Variants in NRXN1 observed in about 807,000 individuals in gnomAD.
NRXN1 encodes neurexin-1.
Under a neutral mutation model 150.9 loss-of-function variants are expected in NRXN1, and 39 were observed. That is an observed-to-expected ratio of 0.26 (90% CI 0.20 to 0.34). The LOEUF is 0.34. Among genes scored for constraint, NRXN1 ranks in the 10% least tolerant of loss-of-function variants. The probability of loss-of-function intolerance (pLI) is 1.00; values close to 1 mark genes in which losing one functional copy is unlikely to be tolerated. For missense variants in NRXN1, 1,815 were observed against 1,949.9 expected (o/e 0.93, Z 1.30); for synonymous variants, 924 against 757.0 (o/e 1.22, Z -3.62).
intron 5 of NRXN1, among the ~76,000 whole-genome samples, chr2:50,782,887 G>C (rs1704546833): frequency 6.6e-6 from 1 of 152,164 alleles, no homozygotes; most frequent in South Asian, 2.1e-4. Flanking sequence ...TGGCTCTATT[G>C]CAAAGGCAAA....
At chr2:50,445,946 ATTTC>A (rs922367371) in intron 17 of NRXN1, among the ~76,000 whole-genome samples, 1 of 152,084 alleles carries the variant, frequency 6.6e-6, no homozygotes, top group Non-Finnish European at 1.5e-5. Flanking sequence ...GACATTCTCA[ATTTC>A]TTTATCTTTT....
chr2:50,194,214 T>A (rs2061616881), intron 18 of NRXN1, among the ~76,000 whole-genome samples: 1 of 152,124 alleles, frequency 6.6e-6, no homozygotes, highest in Admixed American at 6.6e-5. Flanking sequence ...GAATTTTGTG[T>A]CCCCAATGCT....
chr2:50,714,452 C>A (rs913516968), intron 5 of NRXN1, among the ~76,000 whole-genome samples: 1 of 152,050 alleles, frequency 6.6e-6, no homozygotes, highest in African/African-American at 2.4e-5. Flanking sequence ...AGGGTCACAG[C>A]CATTTTTCTG....
rs547825339 is a variant in NRXN1, at chr2:50,444,590, C to T, written c.3364+20852G>A. On this transcript the variant is annotated intron_variant, in intron 17 of 22. Coordinates refer to ENST00000401669, the MANE Select transcript of NRXN1 (RefSeq NM_001330078.2). ...TTTTTAAAGTAGGTATTGGCCAGGA[C>T]TAGTTTGAGGCACTGGCTCAGGGGC... Among the ~76,000 whole-genome samples the T allele has an allele frequency of 1.7e-3, 255 of 152,130 alleles. 2 individuals are homozygous for T. Among genetic ancestry groups the T allele is most frequent in the African/African-American group, 5.3e-3 (218 of 41,514 alleles).
intron 22 of NRXN1, among the ~76,000 whole-genome samples, chr2:49,932,658 T>G (rs1490046561): frequency 1.3e-5 from 2 of 152,192 alleles, no homozygotes; most frequent in Non-Finnish European, 2.9e-5. Context: ...TTCCATATAT[T>G]TTAACATTAC....
At chr2:50,666,711 G>C (rs1229730740) in intron 5 of NRXN1, among the ~76,000 whole-genome samples, 2 of 151,784 alleles carry the variant, frequency 1.3e-5, no homozygotes, top group Non-Finnish European at 2.9e-5. Context: ...GATTATGCAG[G>C]TAAAAAAATA....
intron 5 of NRXN1, among the ~76,000 whole-genome samples, chr2:50,702,824 C>A (rs926407547): frequency 6.6e-6 from 1 of 152,054 alleles, no homozygotes; most frequent in Non-Finnish European, 1.5e-5. Context: ...TTCATTGTCA[C>A]TGTTATAATT....
chr2:50,845,611 C>G (rs983144796), intron 5 of NRXN1, among the ~76,000 whole-genome samples: 1 of 152,198 alleles, frequency 6.6e-6, no homozygotes, highest in Non-Finnish European at 1.5e-5. Context: ...AGGAACCTCA[C>G]CATCTATCTA....
intron 5 of NRXN1, among the ~76,000 whole-genome samples, chr2:50,665,707 T>C (rs747547710): frequency 7.9e-5 from 12 of 152,004 alleles, no homozygotes; most frequent in Non-Finnish European, 1.6e-4. Flanking sequence ...TTTATCAAAG[T>C]GAGGCCCTTC....
chr2:50,368,339 G>A (rs2079752842), intron 17 of NRXN1, among the ~76,000 whole-genome samples: 1 of 151,884 alleles, frequency 6.6e-6, no homozygotes, highest in African/African-American at 2.4e-5. Context: ...AAAAAATCCT[G>A]TATGAAGAAT....
At chr2:50,443,587 T>A (rs2086152954) in intron 17 of NRXN1, among the ~76,000 whole-genome samples, 1 of 152,310 alleles carries the variant, frequency 6.6e-6, no homozygotes, top group Admixed American at 6.5e-5. Flanking sequence ...TGCCTCTAAA[T>A]CAGTATGTGA....
At chr2:50,601,708 T>A (rs1676304262) in intron 8 of NRXN1, among the ~76,000 whole-genome samples, 2 of 152,204 alleles carry the variant, frequency 1.3e-5, no homozygotes, top group Admixed American at 1.3e-4. Context: ...TTGTATAGAG[T>A]TGACCTGAAG....
intron 2 of NRXN1, among the ~76,000 whole-genome samples, chr2:50,926,319 A>G (rs1686878282): frequency 6.6e-6 from 1 of 151,972 alleles, no homozygotes; most frequent in Admixed American, 6.6e-5. Context: ...CAATTCTAAA[A>G]GGTTCTATTT....
At chr2:50,262,932 C>CTATCTTTAGTCCTTTATAAAGGACTA in intron 17 of NRXN1, among the ~76,000 whole-genome samples, 1 of 151,852 alleles carries the variant, frequency 6.6e-6, no homozygotes, top group Non-Finnish European at 1.5e-5. Context: ...TTCATAGATA[C>CTATCTTTAGTCCTTTATAAAGGACTA]CCAGTTAAAT....
intron 5 of NRXN1, among the ~76,000 whole-genome samples, chr2:50,761,972 C>A (rs994611977): frequency 1.3e-5 from 2 of 151,826 alleles, no homozygotes; most frequent in Non-Finnish European, 1.5e-5. Context: ...ACAGAATGAA[C>A]GTTGCACTGT....
chr2:49,996,523 C>T (rs1439222819), intron 21 of NRXN1, among the ~76,000 whole-genome samples: 2 of 152,128 alleles, frequency 1.3e-5, no homozygotes, highest in African/African-American at 4.8e-5. Context: ...ATAATTAAGA[C>T]TCTTGAGTTG....
chr2:50,682,652 A>T (rs1237183576), intron 5 of NRXN1, among the ~76,000 whole-genome samples: 1 of 152,170 alleles, frequency 6.6e-6, no homozygotes, highest in Admixed American at 6.5e-5. Flanking sequence ...TGTCCTCATT[A>T]TCAGAAGATA....
chr2:50,347,594 C>G lies in NRXN1; in HGVS notation c.3365-110624G>C, dbSNP rs3732049. ...TCGCCTGCTCCCGAGGCAATCTCCGCGTCCGCCGCCTCCTGACACTTACGC... is the reference window on the plus strand; with the variant it reads ...TCGCCTGCTCCCGAGGCAATCTCCGGGTCCGCCGCCTCCTGACACTTACGC... On this transcript the variant is annotated intron_variant, in intron 17 of 22. Transcript: ENST00000401669. The surrounding 1 kb of genome is among the most constrained non-coding windows in gnomAD (Gnocchi z 4.9). 1.1e-5 allele frequency: 11 copies of G among 1,008,964 alleles called. No homozygotes were observed. The Admixed American group carries it at 5.1e-4, about 46-fold the overall frequency. 62.5% of individuals were successfully genotyped at this position (1,008,964 alleles called of 1,614,324 possible). A position where few individuals can be genotyped will look rare whatever the true frequency, so the allele number is the denominator to read the frequency against.
At chr2:51,012,095 T>C (rs1667968181) in intron 2 of NRXN1, among the ~76,000 whole-genome samples, 1 of 152,004 alleles carries the variant, frequency 6.6e-6, no homozygotes, top group African/African-American at 2.4e-5. Flanking sequence ...AATGTGACGC[T>C]TTCCAACTCT....
Sources: gnomAD v4.1 joint callset for allele counts (sites outside exome capture counted in the v4.1 genomes callset) on GRCh38, gnomAD v4.1.1 for gene constraint, Gnocchi (gnomAD v3.1) non-coding constraint, MANE v1.5 for transcripts, NCBI Gene and HGNC (gene_info 2026-07-23, HGNC 2026-07-21) for gene names.